The following PFKFB3 variants were observed in gnomAD, a reference collection of about 807,000 sequenced individuals.
PFKFB3 encodes the protein 6-phosphofructo-2-kinase/fructose-2,6-bisphosphatase 3.
PFKFB3 carries 33 observed loss-of-function variants against 68.0 expected under a neutral mutation model. The observed-to-expected ratio is 0.49, with a 90% CI of 0.37 to 0.65. The LOEUF (loss-of-function observed/expected upper bound fraction) is 0.65. Among genes scored for constraint, PFKFB3 ranks in the 30% least tolerant of loss-of-function variants. PFKFB3 has a pLI of 0.00. For missense variants in PFKFB3, 586 were observed against 712.2 expected (o/e 0.82, Z 2.02); for synonymous variants, 315 against 288.2 (o/e 1.09, Z -0.94).
the PFKFB3 span, among the ~76,000 whole-genome samples, chr10:6,308,267 C>T: frequency 1.3e-5 from 2 of 152,212 alleles, no homozygotes; most frequent in Non-Finnish European, 2.9e-5. Context: ...AATCCCAACA[C>T]TTAGGGAGGC....
intron 1 of PFKFB3, among the ~76,000 whole-genome samples, chr10:6,210,285 G>A (rs1844081349): frequency 8.4e-6 from 1 of 118,712 alleles, no homozygotes; most frequent in African/African-American, 2.6e-5. Flanking sequence ...AGACAGTGGT[G>A]GGTGTCTGAA....
At chr10:6,148,366 G>A (rs17151105) in intron 1 of PFKFB3, among the ~76,000 whole-genome samples, 12,727 of 152,318 alleles carry the variant, frequency 0.084, 734 homozygotes, top group Admixed American at 0.16. Context: ...AACATGGACC[G>A]CAGTGGTATG....
At chr10:6,162,295 A>G (rs1841994861) in intron 1 of PFKFB3, among the ~76,000 whole-genome samples, 1 of 152,198 alleles carries the variant, frequency 6.6e-6, no homozygotes, top group South Asian at 2.1e-4. Flanking sequence ...TGTTGGACAC[A>G]TGGATTACTC....
At chr10:6,207,304 G>GGC in intron 1 of PFKFB3, among the ~76,000 whole-genome samples, 1 of 152,336 alleles carries the variant, frequency 6.6e-6, no homozygotes, top group South Asian at 2.1e-4. Flanking sequence ...CAGGCGTGGC[G>GGC]GCGCCTCCTG....
chr10:6,284,126 T>C, the PFKFB3 span, among the ~76,000 whole-genome samples: 1 of 152,184 alleles, frequency 6.6e-6, no homozygotes, highest in Non-Finnish European at 1.5e-5. Flanking sequence ...TGATGAATGT[T>C]CCATGTGAGC....
chr10:6,263,347 T>C, the PFKFB3 span, among the ~76,000 whole-genome samples: 1 of 152,264 alleles, frequency 6.6e-6, no homozygotes, highest in Non-Finnish European at 1.5e-5. Context: ...AGGTGTTCCT[T>C]GCTCTCATTC....
intron 1 of PFKFB3, among the ~76,000 whole-genome samples, chr10:6,205,753 G>A (rs1471561129): frequency 1.3e-5 from 2 of 151,692 alleles, no homozygotes; most frequent in African/African-American, 2.4e-5. Context: ...CTCATTGGAG[G>A]TCTGCAGCAG....
chr10:6,204,002 C>T (rs1843516358), intron 1 of PFKFB3, among the ~76,000 whole-genome samples: 1 of 152,244 alleles, frequency 6.6e-6, no homozygotes, highest in South Asian at 2.1e-4. Flanking sequence ...GCCTGTGTCC[C>T]CGGCTTTGGG....
At chr10:6,224,403 C>T (rs1845179923) in intron 13 of PFKFB3, 190 bp downstream of exon 13, 16 of 629,980 alleles carry the variant, frequency 2.5e-5, no homozygotes, top group South Asian at 2.0e-4. Flanking sequence ...GGGGCCTTCT[C>T]ATTTTCTTTC....
the PFKFB3 span, among the ~76,000 whole-genome samples, chr10:6,288,168 T>C: frequency 6.6e-6 from 1 of 151,838 alleles, no homozygotes; most frequent in Non-Finnish European, 1.5e-5. Flanking sequence ...AGGTACGGTG[T>C]TTTTTTCTTT....
chr10:6,261,638 C>T, the PFKFB3 span, among the ~76,000 whole-genome samples: 1 of 152,066 alleles, frequency 6.6e-6, no homozygotes, highest in African/African-American at 2.4e-5. Context: ...AAGGGCAAAT[C>T]ACCTGAGGTT....
chr10:6,191,583 C>A (rs566424049), intron 1 of PFKFB3, among the ~76,000 whole-genome samples: 12 of 152,306 alleles, frequency 7.9e-5, no homozygotes, highest in African/African-American at 2.6e-4. Flanking sequence ...TCGGGCCCCC[C>A]CTAGAATCAC....
chr10:6,203,230 G>T lies in PFKFB3; in HGVS notation c.-31G>T. The T allele has an allele frequency of 1.2e-6, 2 of 1,602,548 alleles. No individual in the cohort carries two copies. The highest frequency in any genetic ancestry group is 1.7e-6 in the Non-Finnish European group (2 of 1,175,520). ...CTGCCAGCGTCGGGATCTCGGCCCCGGGAGGCGGGCCGTCGGGCGCAGCCG... is the reference window on the plus strand; with the variant it reads ...CTGCCAGCGTCGGGATCTCGGCCCCTGGAGGCGGGCCGTCGGGCGCAGCCG... On this transcript the variant is annotated 5_prime_UTR_variant, in exon 1 of 15. Transcript: ENST00000379775.
At chr10:6,291,555 C>G in the PFKFB3 span, among the ~76,000 whole-genome samples, 1 of 59,162 alleles carries the variant, frequency 1.7e-5, no homozygotes, top group East Asian at 5.5e-4. Flanking sequence ...GACTCTGTCT[C>G]AAAAAAAAAA....
At chr10:6,191,149 C>G (rs1293902063) in intron 1 of PFKFB3, among the ~76,000 whole-genome samples, 4 of 152,184 alleles carry the variant, frequency 2.6e-5, no homozygotes, top group African/African-American at 9.7e-5. Context: ...AAGATTAAAT[C>G]TATTTCAAGC....
In PFKFB3 at chr10:6,233,930, A is replaced by C; in HGVS notation, c.*988A>C. The C allele has an allele frequency of 6.6e-6, 1 of 152,524 alleles. No individual in the cohort carries two copies. The highest frequency in any genetic ancestry group is 1.9e-4 in the East Asian group (1 of 5,344). The allele number at this position is 152,524 out of a possible 1,614,324, so 9.4% of individuals were successfully genotyped here. On this transcript the variant is annotated 3_prime_UTR_variant, in exon 15 of 15. Transcript: ENST00000379775. ...TCTTCCCAGGTGGGGACAGTGGCCC[A>C]AGCAAGGCCTCACTCGCAGCCACTT... is the stretch of plus-strand genomic sequence containing the variant.
chr10:6,319,545 G>A, the PFKFB3 span, among the ~76,000 whole-genome samples: 1 of 152,040 alleles, frequency 6.6e-6, no homozygotes, highest in Non-Finnish European at 1.5e-5. Flanking sequence ...TATCTATTGG[G>A]TGCAATATTC....
At chr10:6,210,485 C>T (rs551472786) in intron 1 of PFKFB3, among the ~76,000 whole-genome samples, 4 of 114,446 alleles carry the variant, frequency 3.5e-5, no homozygotes, top group South Asian at 3.4e-4. Flanking sequence ...CTCAGCCTCC[C>T]GAGTAGCTGG....
At chr10:6,147,599 CAG>C (rs1841432973) in intron 1 of PFKFB3, among the ~76,000 whole-genome samples, 1 of 152,224 alleles carries the variant, frequency 6.6e-6, no homozygotes, top group South Asian at 2.1e-4. Flanking sequence ...TGTCAAGTGG[CAG>C]AGCCAAAACT....
Sources: gnomAD v4.1 joint callset for allele counts (sites outside exome capture counted in the v4.1 genomes callset) on GRCh38, gnomAD v4.1.1 for gene constraint, MANE v1.5 for transcripts, NCBI Gene and HGNC (gene_info 2026-07-23, HGNC 2026-07-21) for gene names.